Variants in ADNP2 observed in about 807,000 individuals in gnomAD.
ADNP2 encodes ADNP homeobox 2, also known as activity-dependent neuroprotector homeobox protein 2.
Under a neutral mutation model 16.4 loss-of-function variants are expected in ADNP2, and 8 were observed. That is an observed-to-expected ratio of 0.49 (90% CI 0.29 to 0.88). ADNP2 has a LOEUF of 0.88. Among genes scored for constraint, ADNP2 ranks in the 40% least tolerant of loss-of-function variants. The pLI, the probability that ADNP2 is intolerant of heterozygous loss-of-function variation, is 0.09. For synonymous variants in ADNP2, 637 were observed against 545.8 expected, an observed-to-expected ratio of 1.17 and a Z score of -2.33; for missense variants, 1,397 against 1,395.1, an observed-to-expected ratio of 1.00 and a Z score of -0.02.
rs1412907692 is a variant in ADNP2, at chr18:80,137,166, G to GGGGTCTTGCAACTCAACCAGACT, written c.1754_1755insGGTCTTGCAACTCAACCAGACTG (p.Ala586ValfsTer16). ...GCCTGTGAATCAGCCAGTGAGACCT[G>GGGGTCTTGCAACTCAACCAGACT]GTGCTTCGCAGAACACCACCTTCCT... On this transcript the variant is annotated frameshift_variant, in exon 4 of 4. Coordinates refer to ENST00000262198, the MANE Select transcript of ADNP2 (RefSeq NM_014913.4). LOFTEE classifies it low-confidence loss of function (END_TRUNC). This position sits in a 1 kb window ranked among gnomAD's most constrained non-coding sequence, Gnocchi z 4.2. 6.2e-7 allele frequency: 1 copy of GGGGTCTTGCAACTCAACCAGACT among 1,614,076 alleles called. No homozygotes were observed. Among genetic ancestry groups the GGGGTCTTGCAACTCAACCAGACT allele is most frequent in the Non-Finnish European group, 8.5e-7 (1 of 1,180,040 alleles).
In ADNP2 at chr18:80,117,565, A is replaced by G; in HGVS notation, c.23A>G (p.Asn8Ser). 1 of 1,594,302 alleles carries G rather than the reference A, an allele frequency of 6.3e-7. No individual in the cohort carries two copies. Among genetic ancestry groups the G allele is most frequent in the Non-Finnish European group, 8.5e-7 (1 of 1,174,816 alleles). Residue 8 changes from asparagine to serine, a missense_variant, in exon 2 of 4, where the codon AAT (asparagine) becomes AGT (serine). Around this residue, in one of 3 missense-constraint regions of ADNP2, gnomAD observed 777 missense variants for 719.4 expected, o/e 1.08. Coordinates refer to ENST00000262198, the MANE Select transcript of ADNP2 (RefSeq NM_014913.4). Reference protein sequence around the residue: MFQIPVENLDNIRKVRKK... With the variant: MFQIPVESLDNIRKVRKK... ...AAAATGTTTCAAATTCCTGTGGAAA[A>G]TCTTGACAACATCAGAAAGGTGCGA...
In ADNP2 at chr18:80,136,834, G is replaced by A. The variant is rs1269490456; in HGVS notation, c.1421G>A (p.Gly474Glu). The A allele has an allele frequency of 6.2e-7, 1 of 1,613,882 alleles. No individual in the cohort carries two copies. The highest frequency in any genetic ancestry group is 8.5e-7 in the Non-Finnish European group (1 of 1,179,926). Residue 474 changes from glycine (G) to glutamate (E), a missense_variant, in exon 4 of 4, where the codon GGG (glycine) becomes GAG (glutamate). Gly to Glu is a moderately conservative substitution (Grantham distance 98, BLOSUM62 -2). Around this residue, in one of 3 missense-constraint regions of ADNP2, gnomAD observed 777 missense variants for 719.4 expected, o/e 1.08. Transcript: ENST00000262198. ...ATCCCTGGGCAAACAGCAACTTCTG[G>A]GGTTCTTCCTACTGGCCAGATGGTC... ...GVIPGQTATSGVLPTGQMVQS... is the reference protein window; with the variant it reads ...GVIPGQTATSEVLPTGQMVQS...
In ADNP2 at chr18:80,136,653, G is replaced by A; in HGVS notation, c.1240G>A (p.Val414Ile). ...GCCTGTGGGACCCATAAACAGACCT[G>A]TTGGGCCTGGTGTTCTTCCTGTGAG... ...TQPVGPINRPVGPGVLPVSPS... is the reference protein window; with the variant it reads ...TQPVGPINRPIGPGVLPVSPS... Residue 414 changes from valine (V) to isoleucine (I), a missense_variant, in exon 4 of 4, where the codon GTT becomes ATT. Physicochemically the swap from Val to Ile is conservative, Grantham distance 29. Transcript: ENST00000262198. The A allele has an allele frequency of 6.2e-7, 1 of 1,613,846 alleles. No individual in the cohort carries two copies. Among genetic ancestry groups the A allele is most frequent in the South Asian group, 1.1e-5 (1 of 91,038 alleles).
chr18:80,138,482 AAGC>A lies in ADNP2; in HGVS notation c.3072_3074del (p.Ser1024del), dbSNP rs2052558691. 1 of 1,614,038 alleles carries A rather than the reference AAGC, an allele frequency of 6.2e-7. No homozygotes were observed. The highest frequency in any genetic ancestry group is 1.7e-5 in the Admixed American group (1 of 60,000). On this transcript the variant is annotated inframe_deletion, in exon 4 of 4. Transcript: ENST00000262198. The stretch of plus-strand genomic sequence containing the variant: ...TGCCTTTTAAAAGACAAAGGAATGA[AAGC>A]AGAACAGAGGGACCTATTGTCAAGG...
chr18:80,127,583 C>G (rs183439148), intron 2 of ADNP2, among the ~76,000 whole-genome samples: 4 of 152,162 alleles, frequency 2.6e-5, no homozygotes, highest in Admixed American at 6.5e-5. Flanking sequence ...TATTTTTCTG[C>G]TGCTTTGTAT....
At chr18:80,129,301 A>G (rs4798943) in intron 2 of ADNP2, among the ~76,000 whole-genome samples, 24,893 of 151,678 alleles carry the variant, frequency 0.16, 2,849 homozygotes, top group East Asian at 0.48. Flanking sequence ...ATGGGGTTTC[A>G]CCATGTGGCC....
At chr18:80,111,769 T>A (rs1300063592) in intron 1 of ADNP2, among the ~76,000 whole-genome samples, 1 of 152,054 alleles carries the variant, frequency 6.6e-6, no homozygotes, top group African/African-American at 2.4e-5. Context: ...GGTCTCCAAC[T>A]CCTGACCTCA....
chr18:80,136,285 G>C lies in ADNP2; in HGVS notation c.872G>C (p.Cys291Ser). The C allele has an allele frequency of 6.2e-7, 1 of 1,613,580 alleles. No individual in the cohort carries two copies. Among genetic ancestry groups the C allele is most frequent in the Non-Finnish European group, 8.5e-7 (1 of 1,179,524 alleles). The part of the protein sequence containing the change: ...SAPSAPAQPP[C>S]FHLALPQNSP... ...CCAAGCGCTCCAGCGCAGCCTCCTT[G>C]CTTCCATCTTGCTTTGCCACAGAAC... The change falls in exon 4 of 4, where the codon TGC becomes TCC. Residue 291 changes from cysteine (C) to serine (S), a missense_variant. Around this residue, in one of 3 missense-constraint regions of ADNP2, gnomAD observed 777 missense variants for 719.4 expected, o/e 1.08. Transcript: ENST00000262198.
At position 80,109,326 on chromosome 18, in the gene ADNP2, C is replaced by T. The variant is rs1568405958; in HGVS notation, c.-160C>T. On this transcript the variant is annotated 5_prime_UTR_variant, in exon 1 of 4. Transcript: ENST00000262198. ...GGGGACCAGTCGCGCTGGGGGTGGG[C>T]GCGCGCTGAGGCGGGGGTCCCGCCG... is the stretch of plus-strand genomic sequence containing the variant. 1 of 150,862 alleles carries T rather than the reference C, an allele frequency of 6.6e-6. No homozygotes were observed. The highest frequency in any genetic ancestry group is 2.1e-4 in the South Asian group (1 of 4,828). 9.3% of individuals were successfully genotyped at this position (150,862 alleles called of 1,614,324 possible). A position where few individuals can be genotyped will look rare whatever the true frequency, so the allele number is the denominator to read the frequency against.
chr18:80,124,837 G>T (rs2052448036), intron 2 of ADNP2, among the ~76,000 whole-genome samples: 2 of 152,032 alleles, frequency 1.3e-5, no homozygotes, highest in African/African-American at 4.8e-5. Flanking sequence ...CAGGGTAATG[G>T]TTTATGCGTG....
intron 2 of ADNP2, among the ~76,000 whole-genome samples, chr18:80,127,340 T>TTTTG (rs1555729670): frequency 1.8e-3 from 8 of 4,394 alleles, no homozygotes; most frequent in African/African-American, 6.1e-3. Flanking sequence ...GTTTTTTCAG[T>TTTTG]TTTTTTTTTT....
At chr18:80,129,907 A>C (rs902385339) in intron 2 of ADNP2, among the ~76,000 whole-genome samples, 38 of 152,190 alleles carry the variant, frequency 2.5e-4, no homozygotes, top group Non-Finnish European at 5.3e-4. Flanking sequence ...ATTCTTCTGT[A>C]AACTCTTGTT....
rs148298169 is a variant in ADNP2, at chr18:80,124,071, C to T, written c.108+6421C>T. ...GGATTCACCAGTGAAGCCACCTGTA[C>T]CTGTACTTTTCTCTGTTAGGAAGTT... On this transcript the variant is annotated intron_variant, in intron 2 of 3. Transcript: ENST00000262198. Among the ~76,000 whole-genome samples the T allele has an allele frequency of 2.0e-3, 304 of 152,204 alleles. 2 individuals carry two copies. The highest frequency in any genetic ancestry group is 6.6e-3 in the African/African-American group (275 of 41,554).
In ADNP2 at chr18:80,136,738, G is replaced by A. The variant is rs143742490; in HGVS notation, c.1325G>A (p.Arg442Gln). The A allele has an allele frequency of 1.2e-5, 20 of 1,612,882 alleles. No homozygotes were observed. Among genetic ancestry groups the A allele is most frequent in the Middle Eastern group, 3.3e-4 (2 of 6,084 alleles). ...AVSPGVLSVSRAVPSGVLPAG... is the reference protein window; with the variant it reads ...AVSPGVLSVSQAVPSGVLPAG... Reference sequence around the variant, plus strand: ...TCGCCAGGGGTGCTTTCTGTGAGTCGGGCGGTCCCGTCTGGAGTCCTTCCT... The same window carrying A: ...TCGCCAGGGGTGCTTTCTGTGAGTCAGGCGGTCCCGTCTGGAGTCCTTCCT... Residue 442 changes from arginine to glutamine, a missense_variant, in exon 4 of 4, where the codon CGG becomes CAG. Around this residue, in one of 3 missense-constraint regions of ADNP2, gnomAD observed 777 missense variants for 719.4 expected, o/e 1.08. Coordinates refer to ENST00000262198, the MANE Select transcript of ADNP2 (RefSeq NM_014913.4).
intron 2 of ADNP2, among the ~76,000 whole-genome samples, chr18:80,131,750 C>G (rs1380656534): frequency 6.8e-6 from 1 of 146,520 alleles, no homozygotes; most frequent in Non-Finnish European, 1.5e-5. Flanking sequence ...GTTGCAAGGA[C>G]AGAAAACCAA....
At chr18:80,118,209 G>A (rs2052401637) in intron 2 of ADNP2, among the ~76,000 whole-genome samples, 1 of 152,196 alleles carries the variant, frequency 6.6e-6, no homozygotes, top group Non-Finnish European at 1.5e-5. Context: ...TGGATCATTT[G>A]AGGTCAGGAG....
In ADNP2 at chr18:80,135,609, C is replaced by T. The variant is rs1396729211; in HGVS notation, c.199-3C>T. On this transcript the variant is annotated splice_region_variant and splice_polypyrimidine_tract_variant and intron_variant, in intron 3 of 3. Coordinates refer to ENST00000262198, the MANE Select transcript of ADNP2 (RefSeq NM_014913.4). ...TGCTTAAGGCTTTCTTTTCTTTTAA[C>T]AGAGATATCGAACAAAGCCATACTG... 2 of 1,603,902 alleles carry T rather than the reference C, an allele frequency of 1.2e-6. No individual in the cohort carries two copies. The highest frequency in any genetic ancestry group is 1.7e-6 in the Non-Finnish European group (2 of 1,174,332).
chr18:80,137,792 C>T lies in ADNP2; in HGVS notation c.2379C>T (p.His793=), dbSNP rs553697059. ...TTTCAGAGCACAGCAGGAATAGGCA[C>T]CTGGGGAAGAAGAAGTTGCCTATGG... ...KGLSEHSRNR[H]LGKKKLPMDY... The change falls in exon 4 of 4, where the codon CAC becomes CAT. Residue 793 remains histidine, a synonymous_variant. Transcript: ENST00000262198. This position sits in a 1 kb window ranked among gnomAD's most constrained non-coding sequence, Gnocchi z 4.2. The T allele has an allele frequency of 1.7e-5, 28 of 1,614,170 alleles. No homozygotes were observed. In the South Asian group the frequency reaches 3.0e-4, roughly 17 times the overall value.
At chr18:80,110,135 A>G (rs969963017) in intron 1 of ADNP2, 26 of 152,240 alleles carry the variant, frequency 1.7e-4, no homozygotes, top group African/African-American at 6.0e-4. Context: ...TTTGATGCGA[A>G]TATCAATAAT....
Sources: gnomAD v4.1 joint callset for allele counts (sites outside exome capture counted in the v4.1 genomes callset) on GRCh38, gnomAD v4.1.1 for gene constraint, gnomAD v4.1.1 regional missense constraint, Gnocchi (gnomAD v3.1) non-coding constraint, MANE v1.5 for transcripts, NCBI Gene and HGNC (gene_info 2026-07-23, HGNC 2026-07-21) for gene names.